The following KLF12 variants were observed in gnomAD, a reference collection of about 807,000 sequenced individuals.
KLF12 encodes the protein KLF transcription factor 12.
Under a neutral mutation model 37.8 loss-of-function variants are expected in KLF12, and 9 were observed. That is an observed-to-expected ratio of 0.24 (90% CI 0.14 to 0.42). The LOEUF (loss-of-function observed/expected upper bound fraction) is 0.42, where lower values mean the gene tolerates loss of function less well. KLF12 is among the 10% of genes least tolerant of loss of function. KLF12 has a pLI of 1.00. For missense variants in KLF12, 411 were observed against 516.0 expected (o/e 0.80, Z 1.97); for synonymous variants, 208 against 202.1 (o/e 1.03, Z -0.25).
intron 6 of KLF12, among the ~76,000 whole-genome samples, chr13:73,736,425 T>C (rs983165384): frequency 6.6e-6 from 1 of 152,214 alleles, no homozygotes; most frequent in African/African-American, 2.4e-5. Context: ...ATATAAACTA[T>C]AGTATTTTAA....
At chr13:74,007,052 G>T (rs560807118) in intron 1 of KLF12, among the ~76,000 whole-genome samples, 58 of 152,116 alleles carry the variant, frequency 3.8e-4, no homozygotes, top group African/African-American at 1.4e-3. Flanking sequence ...TCTGGGAGGG[G>T]TTCCATCTCT....
intron 7 of KLF12, among the ~76,000 whole-genome samples, chr13:73,711,844 G>C (rs764495085): frequency 5.9e-5 from 9 of 152,106 alleles, no homozygotes; most frequent in Non-Finnish European, 1.3e-4. Flanking sequence ...GTGAATCCAG[G>C]CAAATTAAAT....
At chr13:73,868,222 G>T (rs1349851133) in intron 3 of KLF12, among the ~76,000 whole-genome samples, 1 of 132,074 alleles carries the variant, frequency 7.6e-6, no homozygotes, top group Non-Finnish European at 1.5e-5. Context: ...TGAGGCAGGA[G>T]AATCACTTGA....
At chr13:73,964,942 G>A (rs1052268315) in intron 2 of KLF12, among the ~76,000 whole-genome samples, 3 of 152,320 alleles carry the variant, frequency 2.0e-5, no homozygotes, top group Non-Finnish European at 4.4e-5. Context: ...AAACAGGACT[G>A]TAAGCAGTGC....
chr13:73,695,512 C>A lies in KLF12; in HGVS notation c.1187G>T (p.Arg396Leu). 6.2e-7 allele frequency: 1 copy of A among 1,613,926 alleles called. No individual in the cohort carries two copies. The highest frequency in any genetic ancestry group is 8.5e-7 in the Non-Finnish European group (1 of 1,179,934). The change falls in exon 8 of 8, where the codon CGC (arginine) becomes CTC (leucine). Residue 396 changes from arginine to leucine, a missense_variant. By Grantham distance (102) the Arg-to-Leu change is moderately radical (BLOSUM62 -2). This residue lies in a region of KLF12 where 60 missense variants were observed against 118.2 expected (regional missense o/e 0.51). Coordinates refer to ENST00000377669, the MANE Select transcript of KLF12 (RefSeq NM_007249.5). ...TCCTCACACCAACATATGCCTCCGGCGGTGCAGGGCCAAATGATCTGACCG... is the reference window on the plus strand; with the variant it reads ...TCCTCACACCAACATATGCCTCCGGAGGTGCAGGGCCAAATGATCTGACCG...
chr13:74,179,347 C>T, the KLF12 span, among the ~76,000 whole-genome samples: 7 of 152,202 alleles, frequency 4.6e-5, no homozygotes, highest in Non-Finnish European at 1.0e-4. Flanking sequence ...ATGGTTGTGT[C>T]TCTCCTGCAG....
At chr13:74,120,943 C>A (rs1877600086) in intron 1 of KLF12, among the ~76,000 whole-genome samples, 1 of 151,964 alleles carries the variant, frequency 6.6e-6, no homozygotes. Flanking sequence ...CCAAATAGAG[C>A]AAGATACAGG....
At chr13:73,719,058 C>G (rs770916831) in intron 6 of KLF12, among the ~76,000 whole-genome samples, 1 of 152,162 alleles carries the variant, frequency 6.6e-6, no homozygotes, top group Non-Finnish European at 1.5e-5. Context: ...TCCTTGGTTC[C>G]CCTTTCTAAA....
the KLF12 span, among the ~76,000 whole-genome samples, chr13:74,282,862 C>T: frequency 1.3e-5 from 2 of 152,152 alleles, no homozygotes; most frequent in South Asian, 4.2e-4. Flanking sequence ...AGTTTCCCCC[C>T]CTGGTTATAT....
intron 3 of KLF12, among the ~76,000 whole-genome samples, chr13:73,879,110 A>G (rs1045775553): frequency 6.6e-6 from 1 of 152,258 alleles, no homozygotes; most frequent in Non-Finnish European, 1.5e-5. Flanking sequence ...GAGACTATCA[A>G]TGAAGACACT....
chr13:74,124,431 T>C (rs1421787887), intron 1 of KLF12, among the ~76,000 whole-genome samples: 1 of 152,224 alleles, frequency 6.6e-6, no homozygotes, highest in East Asian at 1.9e-4. Flanking sequence ...AATATTTAAA[T>C]AATATTTTAA....
At chr13:73,916,603 T>C (rs1303939856) in intron 3 of KLF12, among the ~76,000 whole-genome samples, 1 of 152,218 alleles carries the variant, frequency 6.6e-6, no homozygotes, top group East Asian at 1.9e-4. Context: ...TTGCCTCCTA[T>C]TCTCTGCCTG....
rs570327231 is a variant in KLF12, at chr13:73,920,113, T to C, written c.123+23868A>G. On this transcript the variant is annotated intron_variant, in intron 3 of 7. Coordinates refer to ENST00000377669, the MANE Select transcript of KLF12 (RefSeq NM_007249.5). ...TTGAAAAGCCTGTTCTAAACAATAC[T>C]GCACAGCAGTGCCAATACTATGAGA... Among the ~76,000 whole-genome samples, 3 of 152,318 alleles carry C rather than the reference T, an allele frequency of 2.0e-5. No individual in the cohort carries two copies. In the South Asian group the frequency reaches 6.2e-4, roughly 32 times the overall value.
intron 1 of KLF12, among the ~76,000 whole-genome samples, chr13:74,035,961 T>G (rs973975077): frequency 6.6e-6 from 1 of 152,202 alleles, no homozygotes; most frequent in African/African-American, 2.4e-5. Context: ...AACCTCATCT[T>G]AAATTAACAG....
chr13:74,116,338 G>A (rs1346210723), intron 1 of KLF12, among the ~76,000 whole-genome samples: 6 of 152,164 alleles, frequency 3.9e-5, no homozygotes, highest in South Asian at 2.1e-4. Flanking sequence ...TATTCACATC[G>A]AGTGGGAACC....
chr13:73,893,635 A>G (rs4885126), intron 3 of KLF12, among the ~76,000 whole-genome samples: 117,550 of 151,930 alleles, frequency 0.77, 45,620 homozygotes, highest in East Asian at 0.9. Context: ...GCTCGAGTTG[A>G]CCTCCCAAAG....
chr13:73,903,869 A>C (rs1409641247), intron 3 of KLF12, among the ~76,000 whole-genome samples: 1 of 152,172 alleles, frequency 6.6e-6, no homozygotes, highest in Non-Finnish European at 1.5e-5. Context: ...TGAGGGATCT[A>C]GGTTGCATGG....
At chr13:74,010,239 A>G (rs1325883175) in intron 1 of KLF12, among the ~76,000 whole-genome samples, 1 of 152,126 alleles carries the variant, frequency 6.6e-6, no homozygotes, top group East Asian at 1.9e-4. Flanking sequence ...CACCACGCCC[A>G]GATGTTTTAA....
intron 1 of KLF12, among the ~76,000 whole-genome samples, chr13:74,013,774 CT>C (rs1169929336): frequency 1.3e-5 from 2 of 151,852 alleles, no homozygotes; most frequent in Non-Finnish European, 2.9e-5. Context: ...TATATTATGA[CT>C]ATAGTTCAAA....
Sources: allele counts gnomAD v4.1 joint callset (sites outside exome capture counted in the v4.1 genomes callset), GRCh38; gene constraint gnomAD v4.1.1; regional missense constraint gnomAD v4.1.1; transcripts MANE v1.5; gene names NCBI Gene and HGNC (gene_info 2026-07-23, HGNC 2026-07-21).